Variants in ROBO2 observed in about 807,000 individuals in gnomAD.
ROBO2 encodes the protein roundabout homolog 2.
Under a neutral mutation model 160.8 loss-of-function variants are expected in ROBO2, and 53 were observed. The observed-to-expected ratio is 0.33, with a 90% CI of 0.26 to 0.41. The LOEUF is 0.41. ROBO2 is among the 10% of genes least tolerant of loss of function. The pLI is 1.00. For synonymous variants in ROBO2, 664 were observed against 611.7 expected (o/e 1.09, Z -1.26); for missense variants, 1,577 against 1,722.4 (o/e 0.92, Z 1.49).
At chr3:76,819,588 C>G (rs755086207) in intron 2 of ROBO2, among the ~76,000 whole-genome samples, 1 of 151,928 alleles carries the variant, frequency 6.6e-6, no homozygotes, top group Non-Finnish European at 1.5e-5. Context: ...GGGTCAGTTA[C>G]AAAGCAATAA....
chr3:77,248,227 G>A (rs1399757909), intron 2 of ROBO2, among the ~76,000 whole-genome samples: 1 of 152,152 alleles, frequency 6.6e-6, no homozygotes, highest in African/African-American at 2.4e-5. Context: ...TCTGCTGAGA[G>A]CCACTTTCAC....
At chr3:77,192,760 C>T (rs1365441258) in intron 2 of ROBO2, among the ~76,000 whole-genome samples, 1 of 148,810 alleles carries the variant, frequency 6.7e-6, no homozygotes, top group Non-Finnish European at 1.5e-5. Context: ...ACTCTGGTGC[C>T]TCAGCCCCCC....
intron 2 of ROBO2, among the ~76,000 whole-genome samples, chr3:76,984,127 AC>A (rs2060246585): frequency 6.6e-6 from 1 of 152,120 alleles, no homozygotes; most frequent in Non-Finnish European, 1.5e-5. Flanking sequence ...GGATCCAGTT[AC>A]CTCCACCTGG....
chr3:77,457,728 T>C (rs1489468815), intron 2 of ROBO2, among the ~76,000 whole-genome samples: 3 of 152,104 alleles, frequency 2.0e-5, no homozygotes, highest in Admixed American at 1.3e-4. Flanking sequence ...TCACAACTAT[T>C]TATCTAAGCT....
At chr3:76,086,937 A>G (rs569672669) in intron 2 of ROBO2, among the ~76,000 whole-genome samples, 1 of 152,200 alleles carries the variant, frequency 6.6e-6, no homozygotes, top group Non-Finnish European at 1.5e-5. Flanking sequence ...CTAGATGTGT[A>G]TGAGAAAAGC....
At chr3:76,556,788 C>G (rs1474118549) in intron 2 of ROBO2, among the ~76,000 whole-genome samples, 1 of 152,048 alleles carries the variant, frequency 6.6e-6, no homozygotes, top group East Asian at 1.9e-4. Flanking sequence ...AGTTATTATG[C>G]ATTTTTAAGA....
chr3:76,878,364 T>C (rs2072992692), intron 2 of ROBO2, among the ~76,000 whole-genome samples: 1 of 152,208 alleles, frequency 6.6e-6, no homozygotes, highest in African/African-American at 2.4e-5. Context: ...AGGTGCTTTA[T>C]CTGTTATTCC....
chr3:77,305,671 A>G (rs2063039324), intron 2 of ROBO2, among the ~76,000 whole-genome samples: 1 of 152,354 alleles, frequency 6.6e-6, no homozygotes, highest in South Asian at 2.1e-4. Flanking sequence ...CCTTTCCTCC[A>G]AGTTCTGCAC....
intron 2 of ROBO2, chr3:76,311,047 A>G (rs1027556334): frequency 6.6e-6 from 1 of 152,234 alleles, no homozygotes; most frequent in Non-Finnish European, 1.5e-5. Flanking sequence ...ACTGAAAGCA[A>G]AGTGGAGAAC....
chr3:76,422,179 A>C (rs968598736), intron 2 of ROBO2, among the ~76,000 whole-genome samples: 1 of 152,198 alleles, frequency 6.6e-6, no homozygotes. Flanking sequence ...GATAGAAATG[A>C]AAGAAATATA....
intron 2 of ROBO2, among the ~76,000 whole-genome samples, chr3:76,862,066 C>T (rs577261894): frequency 7.4e-5 from 11 of 148,804 alleles, no homozygotes; most frequent in East Asian, 2.0e-4. Flanking sequence ...TTCAAAGGAA[C>T]GGTGGAAGGA....
intron 2 of ROBO2, among the ~76,000 whole-genome samples, chr3:77,457,816 A>C (rs189734202): frequency 6.6e-6 from 1 of 152,092 alleles, no homozygotes; most frequent in Non-Finnish European, 1.5e-5. Flanking sequence ...TATTTGTTAA[A>C]TATTATATTA....
At chr3:76,982,931 G>A (rs143897514) in intron 2 of ROBO2, among the ~76,000 whole-genome samples, 1 of 152,122 alleles carries the variant, frequency 6.6e-6, no homozygotes, top group African/African-American at 2.4e-5. Flanking sequence ...AAATATTCAG[G>A]ATCAATAATT....
intron 2 of ROBO2, among the ~76,000 whole-genome samples, chr3:76,069,283 T>C (rs4260451): frequency 0.62 from 94,824 of 152,082 alleles, 30,211 homozygotes; most frequent in African/African-American, 0.75. Flanking sequence ...CAATAAATGA[T>C]AATTTTATTC....
In ROBO2 at chr3:76,951,940, G is replaced by A. The variant is rs115626555; in HGVS notation, c.110-146074G>A. ...TCCAATTATCTATTCAAGTTTTCAG[G>A]GAGAGCCCTTCCCCAGCTTTGTCTT... On this transcript the variant is annotated intron_variant, in intron 2 of 26. Coordinates refer to the ROBO2 transcript ENST00000487694. 3.7e-3 allele frequency among the ~76,000 whole-genome samples: 564 copies of A among 152,276 alleles called. 5 individuals carry two copies. The highest frequency in any genetic ancestry group is 0.013 in the African/African-American group (536 of 41,552).
chr3:76,423,317 A>G (rs1324332608), intron 2 of ROBO2, among the ~76,000 whole-genome samples: 1 of 152,202 alleles, frequency 6.6e-6, no homozygotes, highest in Non-Finnish European at 1.5e-5. Context: ...TGACACAACA[A>G]AACCAAACAT....
intron 2 of ROBO2, among the ~76,000 whole-genome samples, chr3:76,851,651 C>T (rs922118747): frequency 4.9e-5 from 7 of 143,030 alleles, no homozygotes; most frequent in East Asian, 2.2e-4. Context: ...AGGAGAATGG[C>T]GTGAACCCGG....
chr3:77,276,707 G>T (rs2059850721), intron 2 of ROBO2, among the ~76,000 whole-genome samples: 1 of 152,174 alleles, frequency 6.6e-6, no homozygotes, highest in Non-Finnish European at 1.5e-5. Flanking sequence ...GGCAACTGGA[G>T]TCTGTTCTCA....
intron 2 of ROBO2, among the ~76,000 whole-genome samples, chr3:77,155,154 G>T (rs942513789): frequency 5.9e-5 from 9 of 152,054 alleles, no homozygotes; most frequent in Non-Finnish European, 1.2e-4. Flanking sequence ...GATGACTGTG[G>T]TATATAGGAA....
Sources: allele counts gnomAD v4.1 joint callset (sites outside exome capture counted in the v4.1 genomes callset), GRCh38; gene constraint gnomAD v4.1.1; transcripts MANE v1.5; gene names NCBI Gene and HGNC (gene_info 2026-07-23, HGNC 2026-07-21).